The following MYOM2 variants were observed in gnomAD, a reference collection of about 807,000 sequenced individuals.
The protein encoded by MYOM2 is myomesin-2.
MYOM2 carries 254 observed loss-of-function variants against 187.6 expected under a neutral mutation model. The observed-to-expected ratio is 1.35, with a 90% CI of 1.22 to 1.50. The LOEUF (loss-of-function observed/expected upper bound fraction) is 1.50. MYOM2 is among the 40% of genes most tolerant of loss of function. MYOM2 has a pLI of 0.00. For missense variants in MYOM2, 2,796 were observed against 1,924.0 expected (o/e 1.45, Z -8.48); for synonymous variants, 981 against 753.8 (o/e 1.30, Z -4.94).
intron 6 of MYOM2, among the ~76,000 whole-genome samples, chr8:2,065,137 G>A (rs1176491789): frequency 1.3e-5 from 2 of 152,174 alleles, no homozygotes; most frequent in Non-Finnish European, 2.9e-5. Context: ...TCAAGTGTGG[G>A]TGCTCAATAC....
intron 3 of MYOM2, among the ~76,000 whole-genome samples, chr8:2,055,087 GA>G (rs1818617571): frequency 7.0e-6 from 1 of 142,468 alleles, no homozygotes. Context: ...CTGGGGGAAC[GA>G]AGTACCTGGA....
At position 2,079,556 on chromosome 8, in the gene MYOM2, G is replaced by T; in HGVS notation, c.1463-4G>T. On this transcript the variant is annotated splice_polypyrimidine_tract_variant and splice_region_variant and intron_variant, in intron 12 of 36. Transcript: ENST00000262113. ...AAATCGAGTGTCAACCTTTCTCTCC[G>T]CAGCCGTTCATTTGGAGGGAGAGAA... is the stretch of plus-strand genomic sequence containing the variant. 2.5e-6 allele frequency: 4 copies of T among 1,613,988 alleles called. No homozygotes were observed. The South Asian group carries it at 4.4e-5, about 18-fold the overall frequency.
intron 21 of MYOM2, among the ~76,000 whole-genome samples, chr8:2,103,670 T>C (rs1246268875): frequency 1.3e-5 from 2 of 150,116 alleles, no homozygotes; most frequent in Admixed American, 1.3e-4. Flanking sequence ...TGTGTATGTA[T>C]GTAGAGGTAT....
chr8:2,078,351 AGCC>A (rs1223621578), intron 11 of MYOM2, among the ~76,000 whole-genome samples: 1 of 152,224 alleles, frequency 6.6e-6, no homozygotes, highest in Admixed American at 6.5e-5. Flanking sequence ...AGACGGGCCA[AGCC>A]GCAGCTTAGG....
intron 32 of MYOM2, among the ~76,000 whole-genome samples, chr8:2,132,867 G>A (rs544425581): frequency 5.9e-4 from 90 of 152,328 alleles, no homozygotes; most frequent in Non-Finnish European, 1.1e-3. Context: ...ACTGGGAGGA[G>A]AGGTGGCTGC....
chr8:2,112,015 G>A (rs1001044635), intron 25 of MYOM2, among the ~76,000 whole-genome samples: 5 of 152,194 alleles, frequency 3.3e-5, no homozygotes, highest in African/African-American at 7.2e-5. Flanking sequence ...CGTAAACCCT[G>A]AATGTCAGAT....
chr8:2,061,166 C>A (rs1458817260), intron 6 of MYOM2, among the ~76,000 whole-genome samples: 3 of 151,622 alleles, frequency 2.0e-5, no homozygotes, highest in African/African-American at 7.3e-5. Flanking sequence ...TTGAAAGGAG[C>A]TGTCTCCGGT....
chr8:2,101,950 G>A (rs1026302015), intron 20 of MYOM2: 2 of 152,238 alleles, frequency 1.3e-5, no homozygotes, highest in African/African-American at 4.8e-5. Flanking sequence ...CTGAGCCCCA[G>A]GAGGCCTACA....
intron 32 of MYOM2, among the ~76,000 whole-genome samples, 170 bp from the exon 33 acceptor site, chr8:2,140,553 T>C (rs1347854550): frequency 3.3e-5 from 5 of 152,204 alleles, no homozygotes; most frequent in Admixed American, 2.0e-4. Context: ...AGTTTTCAGA[T>C]CTGAGTTACT....
At chr8:2,057,309 G>T (rs182299990) in intron 3 of MYOM2, 39 bp from the exon 4 acceptor site, 13 of 1,572,600 alleles carry the variant, frequency 8.3e-6, no homozygotes, top group African/African-American at 8.2e-5. Flanking sequence ...GGTTTTCTTC[G>T]TGACTCCTGC....
At chr8:2,081,021 G>A (rs6998233) in intron 13 of MYOM2, among the ~76,000 whole-genome samples, 1 of 140,580 alleles carries the variant, frequency 7.1e-6, no homozygotes, top group Admixed American at 7.2e-5. Context: ...TTTGGTTCTG[G>A]CCTGCGGGAG....
In MYOM2 at chr8:2,109,470, A is replaced by C. The variant is rs1227739229; in HGVS notation, c.3119A>C (p.His1040Pro). The change falls in exon 25 of 37, where the codon CAC becomes CCC. Residue 1040 changes from histidine to proline, a missense_variant. Physicochemically the swap from His to Pro is moderately conservative, Grantham distance 77. Coordinates refer to ENST00000262113, the MANE Select transcript of MYOM2 (RefSeq NM_003970.4). ...GTTCGCTTCTGGCTCCAGGCTGAGC[A>C]CTTATCACCAGATGCCAGCTACCGA... ...GRVRFWLQAE[H>P]LSPDASYRFI... The C allele has an allele frequency of 1.2e-6, 2 of 1,613,448 alleles. No homozygotes were observed. Among genetic ancestry groups the C allele is most frequent in the Non-Finnish European group, 1.7e-6 (2 of 1,179,756 alleles).
Position 2,086,332 on chromosome 8 carries a change from C to A in MYOM2, c.1644+942C>A, listed in dbSNP as rs1163402778. 5.1e-3 allele frequency among the ~76,000 whole-genome samples: 359 copies of A among 70,280 alleles called. 137 individuals are homozygous for A. Among genetic ancestry groups the A allele is most frequent in the African/African-American group, 0.013 (181 of 13,424 alleles). The allele number at this position is 70,280 out of a possible 152,430, so 46.1% of individuals were successfully genotyped here. Reference sequence around the variant, plus strand: ...CCCACAGTCGTGATCTCTGCGTGGCCCCCCACTGTTGTGATCTCTGCGTGG... The same window carrying A: ...CCCACAGTCGTGATCTCTGCGTGGCACCCCACTGTTGTGATCTCTGCGTGG... On this transcript the variant is annotated intron_variant, in intron 14 of 36. Coordinates refer to ENST00000262113, the MANE Select transcript of MYOM2 (RefSeq NM_003970.4).
intron 13 of MYOM2, among the ~76,000 whole-genome samples, chr8:2,081,468 C>A (rs899663803): frequency 3.9e-5 from 6 of 152,214 alleles, no homozygotes; most frequent in Non-Finnish European, 5.9e-5. Flanking sequence ...CCCCTTCTCA[C>A]TCCTCACGAG....
At chr8:2,128,186 T>A (rs968687154) in intron 31 of MYOM2, among the ~76,000 whole-genome samples, 1 of 152,226 alleles carries the variant, frequency 6.6e-6, no homozygotes, top group Non-Finnish European at 1.5e-5. Flanking sequence ...AATGCACACC[T>A]TTGGGCAAGC....
At chr8:2,132,078 G>A (rs998359643) in intron 32 of MYOM2, among the ~76,000 whole-genome samples, 1 of 152,150 alleles carries the variant, frequency 6.6e-6, no homozygotes, top group South Asian at 2.1e-4. Flanking sequence ...GACTAAATGC[G>A]TTCTTATTAG....
chr8:2,085,360 C>A lies in MYOM2; in HGVS notation c.1614C>A (p.Gly538=). 1 of 1,613,588 alleles carries A rather than the reference C, an allele frequency of 6.2e-7. No homozygotes were observed. The highest frequency in any genetic ancestry group is 1.1e-5 in the South Asian group (1 of 91,060). Residue 538 remains glycine (G), a synonymous_variant, in exon 14 of 37, where the codon GGC becomes GGA. Transcript: ENST00000262113. ...GCTGGGAGCCACCCACTCCCCGTGGCAAGGACCCGCTCATGTACTTCATTG... is the reference window on the plus strand; with the variant it reads ...GCTGGGAGCCACCCACTCCCCGTGGAAAGGACCCGCTCATGTACTTCATTG... ...VLSWEPPTPR[G]KDPLMYFIEK... is the part of the protein sequence containing the mutation.
At chr8:2,055,965 G>A (rs1818651140) in intron 3 of MYOM2, among the ~76,000 whole-genome samples, 1 of 151,996 alleles carries the variant, frequency 6.6e-6, no homozygotes, top group Non-Finnish European at 1.5e-5. Context: ...TCCCTCCACC[G>A]CCTCCTTCCC....
intron 24 of MYOM2, among the ~76,000 whole-genome samples, chr8:2,109,131 T>A (rs1325395681): frequency 2.0e-5 from 3 of 152,194 alleles, no homozygotes; most frequent in Non-Finnish European, 4.4e-5. Flanking sequence ...TGAATTGCAT[T>A]AAATATAGAA....
Sources: gnomAD v4.1 joint callset for allele counts (sites outside exome capture counted in the v4.1 genomes callset) on GRCh38, gnomAD v4.1.1 for gene constraint, MANE v1.5 for transcripts, NCBI Gene and HGNC (gene_info 2026-07-23, HGNC 2026-07-21) for gene names.